The following CPA4 variants were observed in gnomAD, a reference collection of about 807,000 sequenced individuals.
CPA4 encodes carboxypeptidase A3.
CPA4 carries 49 observed loss-of-function variants against 54.7 expected under a neutral mutation model. The ratio of observed to expected loss-of-function variants is 0.90; its 90% CI spans 0.71 to 1.14. The LOEUF (loss-of-function observed/expected upper bound fraction) is 1.14. CPA4 is among the 50% of genes most tolerant of loss of function. The probability of loss-of-function intolerance (pLI) is 0.00; values close to 1 mark genes in which losing one functional copy is unlikely to be tolerated. For missense variants in CPA4, 487 were observed against 525.1 expected (o/e 0.93, Z 0.71); for synonymous variants, 215 against 206.8 (o/e 1.04, Z -0.34).
In CPA4 at chr7:130,310,854, G is replaced by C; in HGVS notation, c.861G>C (p.Glu287Asp). Residue 287 changes from glutamate (E) to aspartate (D), a missense_variant, in exon 9 of 11, where the codon GAG (glutamate) becomes GAC (aspartate). Transcript: ENST00000222482. This position sits in a 1 kb window ranked among gnomAD's most constrained non-coding sequence, Gnocchi z 4.3. ...GACCCCACGCCAATTCGGAAGTGGAGGTGAAATCAGTGGTAGATTTCATCC... is the reference window on the plus strand; with the variant it reads ...GACCCCACGCCAATTCGGAAGTGGACGTGAAATCAGTGGTAGATTTCATCC... ...YHGPHANSEV[E>D]VKSVVDFIQK... 6.2e-7 allele frequency: 1 copy of C among 1,614,230 alleles called. No homozygotes were observed. The highest frequency in any genetic ancestry group is 8.5e-7 in the Non-Finnish European group (1 of 1,180,018).
chr7:130,305,793 C>T (rs1435025747), intron 5 of CPA4, 23 bp from the exon 6 acceptor site: 5 of 1,595,478 alleles, frequency 3.1e-6, no homozygotes, highest in South Asian at 2.2e-5. Flanking sequence ...CGGTCATTTT[C>T]GAGCCTTTTC....
intron 4 of CPA4, 33 bp downstream of exon 4, chr7:130,300,947 T>G (rs1327603834): frequency 7.2e-7 from 1 of 1,391,826 alleles, no homozygotes; most frequent in Non-Finnish European, 1.0e-6. Context: ...AGATCAAGGT[T>G]CTCTGCCTCC....
At chr7:130,311,373 G>A (rs894567379) in intron 9 of CPA4, among the ~76,000 whole-genome samples, 10 of 152,234 alleles carry the variant, frequency 6.6e-5, no homozygotes, top group African/African-American at 2.4e-4. Context: ...GGGGTGCTCT[G>A]TGTCTCATCC....
chr7:130,305,978 T>A, intron 6 of CPA4, 58 bp downstream of exon 6: 1 of 1,442,078 alleles, frequency 6.9e-7, no homozygotes, highest in East Asian at 2.3e-5. Context: ...CCCTGCAGCA[T>A]GCCATGTGGC....
At position 130,293,200 on chromosome 7, in the gene CPA4, T is replaced by C. The variant is rs368305215; in HGVS notation, c.20T>C (p.Ile7Thr). 9.7e-5 allele frequency: 157 copies of C among 1,612,202 alleles called. No homozygotes were observed. Among genetic ancestry groups the C allele is most frequent in the South Asian group, 3.0e-4 (27 of 91,020 alleles). Reference protein sequence around the residue: MRWILFIGALIGSSICG... With the variant: MRWILFTGALIGSSICG... ...GGGGACATGAGGTGGATACTGTTCATTGGGGCCCTTATTGGGTCCAGCATC... is the reference window on the plus strand; with the variant it reads ...GGGGACATGAGGTGGATACTGTTCACTGGGGCCCTTATTGGGTCCAGCATC... The change falls in exon 1 of 11, where the codon ATT becomes ACT. Residue 7 changes from isoleucine to threonine, a missense_variant. By Grantham distance (89) the Ile-to-Thr change is moderately conservative. Coordinates refer to ENST00000222482, the MANE Select transcript of CPA4 (RefSeq NM_016352.4).
At chr7:130,301,906 A>G (rs1189873207) in intron 4 of CPA4, among the ~76,000 whole-genome samples, 1 of 152,210 alleles carries the variant, frequency 6.6e-6, no homozygotes. Flanking sequence ...CAGAGCCCAC[A>G]CAGGGATCAA....
At chr7:130,295,061 C>T (rs1584742997) in intron 1 of CPA4, among the ~76,000 whole-genome samples, 4 of 152,228 alleles carry the variant, frequency 2.6e-5, no homozygotes, top group Admixed American at 2.0e-4. Context: ...GGCCAGGATG[C>T]CTAGAGGCAC....
At chr7:130,299,442 A>G in intron 3 of CPA4, 38 bp downstream of exon 3, 1 of 1,603,906 alleles carries the variant, frequency 6.2e-7, no homozygotes, top group Non-Finnish European at 8.5e-7. Context: ...GCTCTTGCAT[A>G]GGACCAGGCA....
In CPA4 at chr7:130,304,501, T is replaced by C; in HGVS notation, c.408T>C (p.Ile136=). 1 of 1,611,750 alleles carries C rather than the reference T, an allele frequency of 6.2e-7. No individual in the cohort carries two copies. Residue 136 remains isoleucine (I), a synonymous_variant, in exon 5 of 11, where the codon ATT becomes ATC. Transcript: ENST00000222482. The stretch of plus-strand genomic sequence containing the variant: ...AGATTTACCACGAGATGGACAACAT[T>C]GCCGCAGACTTTCCTGACCTGGCGA... The part of the protein sequence containing the change: ...LEAIYHEMDN[I]AADFPDLARR...
intron 3 of CPA4, among the ~76,000 whole-genome samples, chr7:130,300,333 ATTTTTT>A (rs767924823): frequency 1.2e-4 from 15 of 124,430 alleles, no homozygotes; most frequent in African/African-American, 4.6e-4. Context: ...CAAGAAGTAA[ATTTTTT>A]TTTTTTTTTT....
intron 1 of CPA4, among the ~76,000 whole-genome samples, chr7:130,296,842 C>A (rs1012087321): frequency 4.6e-5 from 7 of 151,334 alleles, no homozygotes; most frequent in Admixed American, 2.0e-4. Context: ...TAAAGATACC[C>A]CCTCTTTGGA....
chr7:130,322,513 A>T lies in CPA4; in HGVS notation c.1103A>T (p.Asp368Val). Residue 368 changes from aspartate (D) to valine (V), a missense_variant, in exon 11 of 11, where the codon GAC becomes GTC. Asp to Val is a radical substitution (Grantham distance 152, BLOSUM62 -3). Coordinates refer to ENST00000222482, the MANE Select transcript of CPA4 (RefSeq NM_016352.4). ...GATCCAGCTAGCGGGAGCAGCATCG[A>T]CTGGGCATATGACAACGGCATCAAA... is the stretch of plus-strand genomic sequence containing the variant. ...TVYPASGSSIDWAYDNGIKFA... is the reference protein window; with the variant it reads ...TVYPASGSSIVWAYDNGIKFA... 1 of 1,614,038 alleles carries T rather than the reference A, an allele frequency of 6.2e-7. No individual in the cohort carries two copies. The highest frequency in any genetic ancestry group is 1.1e-5 in the South Asian group (1 of 91,068).
At chr7:130,295,415 T>C (rs1793633489) in intron 1 of CPA4, among the ~76,000 whole-genome samples, 1 of 152,186 alleles carries the variant, frequency 6.6e-6, no homozygotes, top group African/African-American at 2.4e-5. Context: ...AGAACACCTG[T>C]GTGGAGCAGG....
At position 130,308,305 on chromosome 7, in the gene CPA4, A is replaced by G. The variant is rs777483464; in HGVS notation, c.703-2A>G. ...TTGTCCCCTCCTTGGTGGCTTTTTCAGAACCGATTATGGAGGAAGACGCGG... is the reference window on the plus strand; with the variant it reads ...TTGTCCCCTCCTTGGTGGCTTTTTCGGAACCGATTATGGAGGAAGACGCGG... On this transcript the variant is annotated splice_acceptor_variant, in intron 7 of 10. Coordinates refer to ENST00000222482, the MANE Select transcript of CPA4 (RefSeq NM_016352.4). LOFTEE classifies it high-confidence loss of function. The G allele has an allele frequency of 6.2e-7, 1 of 1,613,922 alleles. No homozygotes were observed. Among genetic ancestry groups the G allele is most frequent in the South Asian group, 1.1e-5 (1 of 91,080 alleles).
At chr7:130,302,241 C>A (rs549569826) in intron 4 of CPA4, among the ~76,000 whole-genome samples, 1 of 152,156 alleles carries the variant, frequency 6.6e-6, no homozygotes, top group East Asian at 1.9e-4. Flanking sequence ...AATCCCAGAA[C>A]TTTGGGAGGC....
chr7:130,312,032 T>TC lies in CPA4; in HGVS notation c.994-3dup. On this transcript the variant is annotated splice_polypyrimidine_tract_variant and splice_region_variant and intron_variant, in intron 9 of 10. Transcript: ENST00000222482. ...TTTTCTCACTCCACGGATTCCCCCT[T>TC]CCCAGGACAAGGTGGCGAGGCTTGC... 1.2e-6 allele frequency: 2 copies of TC among 1,613,130 alleles called. No individual in the cohort carries two copies. The highest frequency in any genetic ancestry group is 1.7e-6 in the Non-Finnish European group (2 of 1,179,166).
In CPA4 at chr7:130,323,183, G is replaced by A. The variant is rs1284504264; in HGVS notation, c.*507G>A. The A allele has an allele frequency of 6.6e-6, 1 of 151,382 alleles. No homozygotes were observed. Among genetic ancestry groups the A allele is most frequent in the Non-Finnish European group, 1.5e-5 (1 of 68,268 alleles). The allele number at this position is 151,382 out of a possible 1,614,324, so 9.4% of individuals were successfully genotyped here. On this transcript the variant is annotated 3_prime_UTR_variant, in exon 11 of 11. Coordinates refer to ENST00000222482, the MANE Select transcript of CPA4 (RefSeq NM_016352.4). ...TATTTTCCTTTGAGCAGCAAATCTT[G>A]TAGGGATATCAGTGAAGGTCTCTCC...
chr7:130,306,741 C>T (rs777047297), intron 6 of CPA4, 46 bp from the exon 7 acceptor site: 1 of 1,123,918 alleles, frequency 8.9e-7, no homozygotes, highest in East Asian at 2.3e-5. Context: ...GCCCTAATGG[C>T]CCATCCTGCC....
chr7:130,321,883 C>A (rs1794110280), intron 10 of CPA4, among the ~76,000 whole-genome samples: 2 of 152,214 alleles, frequency 1.3e-5, no homozygotes, highest in South Asian at 4.1e-4. Context: ...GGTGGGGACA[C>A]AGCCAAACCA....
Sources: gnomAD v4.1 joint callset for allele counts (sites outside exome capture counted in the v4.1 genomes callset) on GRCh38, gnomAD v4.1.1 for gene constraint, Gnocchi (gnomAD v3.1) non-coding constraint, MANE v1.5 for transcripts, NCBI Gene and HGNC (gene_info 2026-07-23, HGNC 2026-07-21) for gene names.